C2orf49: variants seen among roughly 807,000 people sequenced by gnomAD.
C2orf49 encodes tRNA-splicing ligase complex subunit ASW.
Under a neutral mutation model 20.6 loss-of-function variants are expected in C2orf49, and 11 were observed. The ratio of observed to expected loss-of-function variants is 0.53; its 90% confidence interval spans 0.34 to 0.88. The LOEUF is 0.88. C2orf49 is among the 40% of genes least tolerant of loss of function. The pLI is 0.02. For synonymous variants in C2orf49, 134 were observed against 108.5 expected, an observed-to-expected ratio of 1.24 and a Z score of -1.46; for missense variants, 289 against 274.2, an observed-to-expected ratio of 1.05 and a Z score of -0.38.
At chr2:105,375,283 A>G in the C2orf49 span, 1 of 152,222 alleles carries the variant, frequency 6.6e-6, no homozygotes, top group Non-Finnish European at 1.5e-5. Context: ...AAAAATGTGA[A>G]CGCTGAGACA....
At chr2:105,338,651 G>A (rs1425179853) in intron 1 of C2orf49, among the ~76,000 whole-genome samples, 1 of 152,180 alleles carries the variant, frequency 6.6e-6, no homozygotes, top group Non-Finnish European at 1.5e-5. Context: ...TTGTCCAAGA[G>A]AATCCTGGTA....
chr2:105,352,688 C>T (rs541961053), downstream of C2orf49, among the ~76,000 whole-genome samples: 69 of 152,118 alleles, frequency 4.5e-4, 1 homozygote, highest in Admixed American at 3.1e-3. Flanking sequence ...TTGTGATCTG[C>T]CCGTCTCGGC....
At chr2:105,363,415 G>C in the C2orf49 span, 1 of 1,613,288 alleles carries the variant, frequency 6.2e-7, no homozygotes, top group Non-Finnish European at 8.5e-7. Flanking sequence ...CGGTGCACAC[G>C]AAGCACTCCT....
intron 3 of C2orf49, among the ~76,000 whole-genome samples, chr2:105,344,133 A>G (rs182035841): frequency 1.1e-4 from 16 of 152,292 alleles, no homozygotes; most frequent in Admixed American, 1.0e-3. Context: ...TTTCACAGAT[A>G]AGGAAACAGA....
chr2:105,364,849 T>C, the C2orf49 span, among the ~76,000 whole-genome samples: 2 of 152,230 alleles, frequency 1.3e-5, no homozygotes, highest in African/African-American at 4.8e-5. Context: ...AAAGAATTCA[T>C]AGCTGGTTAA....
chr2:105,341,275 C>T (rs1261989774), intron 2 of C2orf49, among the ~76,000 whole-genome samples: 1 of 152,218 alleles, frequency 6.6e-6, no homozygotes, highest in African/African-American at 2.4e-5. Flanking sequence ...TTGAAGCAAT[C>T]TTTGTACAAC....
chr2:105,384,120 AG>A, the C2orf49 span, among the ~76,000 whole-genome samples: 1 of 152,206 alleles, frequency 6.6e-6, no homozygotes, highest in East Asian at 1.9e-4. Context: ...GCCACTGGTC[AG>A]GGATGATTAG....
At chr2:105,337,835 C>T (rs1679545530) in intron 1 of C2orf49, 149 bp downstream of exon 1, 1 of 668,664 alleles carries the variant, frequency 1.5e-6, no homozygotes. Flanking sequence ...GCAGCTGTCT[C>T]CTCGCTCCTG....
intron 2 of C2orf49, among the ~76,000 whole-genome samples, chr2:105,342,014 A>G (rs1432815859): frequency 1.3e-5 from 2 of 152,228 alleles, no homozygotes; most frequent in African/African-American, 2.4e-5. Flanking sequence ...CTCTACTAAA[A>G]ATACAAAAAT....
the C2orf49 span, among the ~76,000 whole-genome samples, chr2:105,384,230 G>A: frequency 1.8e-4 from 27 of 152,300 alleles, no homozygotes; most frequent in East Asian, 5.2e-3. Context: ...TCCAGCTAAA[G>A]CTTTTATAAT....
chr2:105,355,768 TTTTGTGTGTGTGTG>T, the C2orf49 span, among the ~76,000 whole-genome samples: 155 of 100,586 alleles, frequency 1.5e-3, no homozygotes, highest in African/African-American at 4.7e-3. Context: ...GGAGAAAAAA[TTTTGTGTGTGTGTG>T]TGTGTGTGTG....
Position 105,337,696 on chromosome 2 carries a change from G to A in C2orf49, c.99+10G>A. The A allele has an allele frequency of 1.7e-6, 2 of 1,201,744 alleles. No homozygotes were observed. Among genetic ancestry groups the A allele is most frequent in the South Asian group, 1.5e-5 (1 of 68,342 alleles). The allele number at this position is 1,201,744 out of a possible 1,614,324, so 74.4% of individuals were successfully genotyped here. On this transcript the variant is annotated intron_variant, in intron 1 of 3. Transcript: ENST00000258457. Reference sequence around the variant, plus strand: ...CCTCACTCTGGAGCAGGTTGGGCGCGCCGGATCGGAGGGTGGGCGGGTGGG... The same window carrying A: ...CCTCACTCTGGAGCAGGTTGGGCGCACCGGATCGGAGGGTGGGCGGGTGGG...
At chr2:105,367,747 C>G in the C2orf49 span, 1 of 1,612,360 alleles carries the variant, frequency 6.2e-7, no homozygotes, top group Non-Finnish European at 8.5e-7. Flanking sequence ...TACCTGTCAT[C>G]AGGGTCAAGA....
At chr2:105,381,908 G>A in the C2orf49 span, among the ~76,000 whole-genome samples, 2 of 152,122 alleles carry the variant, frequency 1.3e-5, no homozygotes, top group Non-Finnish European at 2.9e-5. Context: ...AGACCAGCGA[G>A]GGAGGCCTGT....
chr2:105,349,335 G>T (rs1355723755), downstream of C2orf49: 1 of 152,214 alleles, frequency 6.6e-6, no homozygotes, highest in Non-Finnish European at 1.5e-5. Context: ...TGGCTCAAGT[G>T]GTCCTCCTGC....
the C2orf49 span, among the ~76,000 whole-genome samples, chr2:105,385,017 G>A: frequency 6.6e-6 from 1 of 152,228 alleles, no homozygotes; most frequent in Non-Finnish European, 1.5e-5. Context: ...ACAGGATACA[G>A]GAAGATACAC....
the C2orf49 span, among the ~76,000 whole-genome samples, chr2:105,355,770 T>TTGTGTGTGTGTGTGTGTGTGTG: frequency 1.4e-5 from 2 of 143,112 alleles, no homozygotes; most frequent in Non-Finnish European, 3.0e-5. Context: ...AGAAAAAATT[T>TTGTGTGTGTGTGTGTGTGTGTG]TGTGTGTGTG....
the C2orf49 span, chr2:105,361,185 G>GTGGC: frequency 7.9e-7 from 1 of 1,262,532 alleles, no homozygotes; most frequent in African/African-American, 1.5e-5. Flanking sequence ...AAGTCTCAAT[G>GTGGC]TGGCTGGAAG....
the C2orf49 span, chr2:105,363,097 A>C: frequency 1.7e-6 from 1 of 586,764 alleles, no homozygotes; most frequent in Non-Finnish European, 3.1e-6. Context: ...AGAGGAAGGA[A>C]TCATTACTTG....
Sources: allele counts gnomAD v4.1 joint callset (sites outside exome capture counted in the v4.1 genomes callset), GRCh38; gene constraint gnomAD v4.1.1; transcripts MANE v1.5; gene names NCBI Gene and HGNC (gene_info 2026-07-23, HGNC 2026-07-21).